KDM5A: variants seen among roughly 807,000 people sequenced by gnomAD.
KDM5A encodes the protein lysine-specific demethylase 5A.
KDM5A carries 42 observed loss-of-function variants against 193.5 expected under a neutral mutation model. That is an observed-to-expected ratio of 0.22 (90% CI 0.17 to 0.28). The LOEUF (loss-of-function observed/expected upper bound fraction) is 0.28. Among genes scored for constraint, KDM5A ranks in the 10% least tolerant of loss-of-function variants. The pLI, the probability that KDM5A is intolerant of heterozygous loss-of-function variation, is 1.00. For missense variants in KDM5A, 1,692 were observed against 2,055.1 expected (o/e 0.82, Z 3.42); for synonymous variants, 796 against 718.1 (o/e 1.11, Z -1.73).
chr12:287,364 C>G (rs1215053611), intron 27 of KDM5A, among the ~76,000 whole-genome samples: 1 of 152,038 alleles, frequency 6.6e-6, no homozygotes, highest in African/African-American at 2.4e-5. Context: ...ATATCACTTC[C>G]TGTAAATTCA....
Position 355,381 on chromosome 12 carries a change from A to C in KDM5A, c.779-132T>G, listed in dbSNP as rs991762690. 6.0e-6 allele frequency: 4 copies of C among 671,008 alleles called. No individual in the cohort carries two copies. In the African/African-American group the frequency reaches 7.2e-5, roughly 12 times the overall value. The allele number at this position is 671,008 out of a possible 1,614,324, so 41.6% of individuals were successfully genotyped here. A position where few individuals can be genotyped will look rare whatever the true frequency, so the allele number is the denominator to read the frequency against. On this transcript the variant is annotated intron_variant, in intron 6 of 27. Transcript: ENST00000399788. ...TTATCTAGAGGTAGATATACTATTTATTATCTCTCACTGAAGATGAAGAAC... is the reference window on the plus strand; with the variant it reads ...TTATCTAGAGGTAGATATACTATTTCTTATCTCTCACTGAAGATGAAGAAC...
In KDM5A at chr12:354,284, A is replaced by AT. The variant is rs1317033791; in HGVS notation, c.871-51dup. 3.0e-6 allele frequency: 4 copies of AT among 1,344,138 alleles called. No homozygotes were observed. The African/African-American group carries it at 5.9e-5, about 20-fold the overall frequency. The allele number at this position is 1,344,138 out of a possible 1,614,324, so 83.3% of individuals were successfully genotyped here. A position where few individuals can be genotyped will look rare whatever the true frequency, so the allele number is the denominator to read the frequency against. On this transcript the variant is annotated intron_variant, in intron 7 of 27. Transcript: ENST00000399788. ...GTCTATTTTCTATAATAAATAATAA[A>AT]TTTTTACCAGGAACTCCTTAGCTGA...
rs1555124942 is a variant in KDM5A, at chr12:284,129, A to AC, written c.*1326_*1327insG. ...CCTTGTACTACAAAGAAGGAATGGG[A>AC]TTTTTTTTTTTAAAGCAAAAAAGAA... On this transcript the variant is annotated 3_prime_UTR_variant, in exon 28 of 28. Coordinates refer to ENST00000399788, the MANE Select transcript of KDM5A (RefSeq NM_001042603.3). 4.9e-6 allele frequency: 1 copy of AC among 204,370 alleles called. No individual in the cohort carries two copies. Among genetic ancestry groups the AC allele is most frequent in the Non-Finnish European group, 9.9e-6 (1 of 100,980 alleles). 12.7% of individuals were successfully genotyped at this position (204,370 alleles called of 1,614,324 possible).
chr12:319,106 A>T (rs1318570362), intron 18 of KDM5A, among the ~76,000 whole-genome samples: 1 of 152,372 alleles, frequency 6.6e-6, no homozygotes, highest in Non-Finnish European at 1.5e-5. Context: ...GTCAGACTAC[A>T]CAGTATCTTC....
chr12:302,708 G>C (rs988122632), intron 24 of KDM5A, among the ~76,000 whole-genome samples: 1 of 152,276 alleles, frequency 6.6e-6, no homozygotes, highest in Non-Finnish European at 1.5e-5. Context: ...CACAGCAAAA[G>C]AAACTATCAG....
At chr12:288,843 G>A (rs1026881722) in intron 27 of KDM5A, among the ~76,000 whole-genome samples, 1 of 152,178 alleles carries the variant, frequency 6.6e-6, no homozygotes, top group African/African-American at 2.4e-5. Flanking sequence ...CAGCATGTGG[G>A]AATTTCAGTG....
rs984726055 is a variant in KDM5A, at chr12:352,428, A to C, written c.1030-104T>G. ...TTTGATCATTTCCCTAGGTAAAGTA[A>C]ATCCAGTCAACCCTAGACAACAAAA... is the stretch of plus-strand genomic sequence containing the variant. On this transcript the variant is annotated intron_variant, in intron 8 of 27. Transcript: ENST00000399788. 3.9e-6 allele frequency: 4 copies of C among 1,022,708 alleles called. No individual in the cohort carries two copies. In the African/African-American group the frequency reaches 4.8e-5, roughly 12 times the overall value. The allele number at this position is 1,022,708 out of a possible 1,614,324, so 63.4% of individuals were successfully genotyped here.
chr12:304,404 C>T (rs930648691), intron 24 of KDM5A, among the ~76,000 whole-genome samples: 1 of 144,762 alleles, frequency 6.9e-6, no homozygotes, highest in African/African-American at 2.5e-5. Flanking sequence ...TTTCATTATA[C>T]AATTATCGCT....
At chr12:306,781 G>GTT in intron 24 of KDM5A, 165 bp downstream of exon 24, 1 of 722,856 alleles carries the variant, frequency 1.4e-6, no homozygotes, top group Non-Finnish European at 2.3e-6. Flanking sequence ...AACCTGTAAT[G>GTT]TTTTGAGTTT....
At chr12:344,622 A>AAAG in intron 10 of KDM5A, among the ~76,000 whole-genome samples, 1 of 152,330 alleles carries the variant, frequency 6.6e-6, no homozygotes, top group South Asian at 2.1e-4. Flanking sequence ...CAACATTCTT[A>AAAG]AAGAAAAGAA....
intron 19 of KDM5A, among the ~76,000 whole-genome samples, chr12:315,173 GAA>G (rs1050570979): frequency 8.5e-5 from 13 of 152,224 alleles, no homozygotes; most frequent in Admixed American, 5.2e-4. Context: ...CAGTCCAAGT[GAA>G]AAGATTCTTT....
intron 10 of KDM5A, 31 bp downstream of exon 10, chr12:350,590 G>C (rs953034527): frequency 6.2e-7 from 1 of 1,612,332 alleles, no homozygotes; most frequent in Non-Finnish European, 8.5e-7. Flanking sequence ...AATCAGCTTG[G>C]GGGTAAGCAA....
In KDM5A at chr12:307,433, G is replaced by T. The variant is rs910084726; in HGVS notation, c.3930+21C>A. 1 of 1,608,378 alleles carries T rather than the reference G, an allele frequency of 6.2e-7. No individual in the cohort carries two copies. The highest frequency in any genetic ancestry group is 8.5e-7 in the Non-Finnish European group (1 of 1,176,370). ...TGACATATCCCATGAAATAGAAAAA[G>T]AATGTAAATCCTAAACTTGCCTGTA... On this transcript the variant is annotated intron_variant, in intron 23 of 27. Transcript: ENST00000399788. The surrounding 1 kb of genome is among the most constrained non-coding windows in gnomAD (Gnocchi z 4.3).
chr12:328,716 A>C, intron 14 of KDM5A, 119 bp downstream of exon 14: 1 of 846,350 alleles, frequency 1.2e-6, no homozygotes, highest in Non-Finnish European at 1.9e-6. Context: ...AATCTTCTCC[A>C]AATCAGTGAT....
At position 382,441 on chromosome 12, in the gene KDM5A, C is replaced by A. The variant is rs1172136769; in HGVS notation, c.366+1590G>T. ...TGGCACCACTGCACTCCAGCCTGGG[C>A]AACAAGGGCGTGACTCCATTTCAAA... On this transcript the variant is annotated intron_variant, in intron 3 of 27. Transcript: ENST00000399788. 6.2e-5 allele frequency among the ~76,000 whole-genome samples: 9 copies of A among 144,310 alleles called. No homozygotes were observed. In the East Asian group the frequency reaches 8.1e-4, roughly 13 times the overall value. 94.7% of individuals were successfully genotyped at this position (144,310 alleles called of 152,430 possible). A position where few individuals can be genotyped will look rare whatever the true frequency, so the allele number is the denominator to read the frequency against.
intron 27 of KDM5A, among the ~76,000 whole-genome samples, chr12:291,539 C>CAAAG (rs1268594575): frequency 6.6e-6 from 1 of 152,108 alleles, no homozygotes; most frequent in East Asian, 1.9e-4. Flanking sequence ...GCAGCCTGAA[C>CAAAG]AAAGTAACCT....
At chr12:295,462 A>G in intron 26 of KDM5A, 111 bp downstream of exon 26, 4 of 1,017,438 alleles carry the variant, frequency 3.9e-6, no homozygotes, top group Admixed American at 1.7e-5. Flanking sequence ...GGGAAAGTAG[A>G]CCAGCCAGAT....
intron 1 of KDM5A, among the ~76,000 whole-genome samples, chr12:387,028 TTA>T (rs1381252281): frequency 6.6e-6 from 1 of 152,200 alleles, no homozygotes; most frequent in East Asian, 1.9e-4. Flanking sequence ...ACAGAGCACT[TTA>T]TGTTACACAA....
rs1341554200 is a variant in KDM5A at position 389,205 on chromosome 12, G to A, written c.-114C>T. 1.0e-6 allele frequency: 1 copy of A among 989,418 alleles called. No homozygotes were observed. Among genetic ancestry groups the A allele is most frequent in the Non-Finnish European group, 1.6e-6 (1 of 619,132 alleles). The allele number at this position is 989,418 out of a possible 1,614,324, so 61.3% of individuals were successfully genotyped here. On this transcript the variant is annotated 5_prime_UTR_variant, in exon 1 of 28. Coordinates refer to ENST00000399788, the MANE Select transcript of KDM5A (RefSeq NM_001042603.3). ...ACAGAGGCCGAAGCGCATCTTCGCGGACAAGAACCGTTCAACACAGAAACC... is the reference window on the plus strand; with the variant it reads ...ACAGAGGCCGAAGCGCATCTTCGCGAACAAGAACCGTTCAACACAGAAACC...
Sources: gnomAD v4.1 joint callset for allele counts (sites outside exome capture counted in the v4.1 genomes callset) on GRCh38, gnomAD v4.1.1 for gene constraint, Gnocchi (gnomAD v3.1) non-coding constraint, MANE v1.5 for transcripts, NCBI Gene and HGNC (gene_info 2026-07-23, HGNC 2026-07-21) for gene names.